Variants in NRXN1 observed in about 807,000 individuals in gnomAD.
NRXN1 encodes the protein neurexin 1.
NRXN1 carries 39 observed loss-of-function variants against 150.9 expected under a neutral mutation model. The observed-to-expected ratio is 0.26, with a 90% CI of 0.20 to 0.34. The LOEUF (loss-of-function observed/expected upper bound fraction) is 0.34, where lower values mean the gene tolerates loss of function less well. Ranked by LOEUF, NRXN1 falls within the 10% of genes least tolerant of loss-of-function variation. The pLI, the probability that NRXN1 is intolerant of heterozygous loss-of-function variation, is 1.00. For missense variants in NRXN1, 1,815 were observed against 1,949.9 expected, an observed-to-expected ratio of 0.93 and a Z score of 1.30; for synonymous variants, 924 against 757.0, an observed-to-expected ratio of 1.22 and a Z score of -3.62.
chr2:50,482,292 A>C (rs1318435755), intron 15 of NRXN1, among the ~76,000 whole-genome samples: 1 of 152,164 alleles, frequency 6.6e-6, no homozygotes, highest in Non-Finnish European at 1.5e-5. Context: ...CTATGCCAGT[A>C]ACAGTGTGGC....
At chr2:50,867,265 A>G (rs939741977) in intron 5 of NRXN1, among the ~76,000 whole-genome samples, 1 of 151,912 alleles carries the variant, frequency 6.6e-6, no homozygotes, top group African/African-American at 2.4e-5. Context: ...CTAGATGCTC[A>G]TGGCCCCTGA....
intron 17 of NRXN1, among the ~76,000 whole-genome samples, chr2:50,418,619 A>G (rs1273710507): frequency 6.6e-6 from 1 of 152,064 alleles, no homozygotes; most frequent in Non-Finnish European, 1.5e-5. Context: ...TTTTCATTAA[A>G]AGCAAATTTT....
intron 17 of NRXN1, among the ~76,000 whole-genome samples, chr2:50,301,512 A>T (rs561898578): frequency 6.6e-6 from 1 of 152,150 alleles, no homozygotes; most frequent in Non-Finnish European, 1.5e-5. Flanking sequence ...AAATTGCATA[A>T]CTGTGTTTAG....
At chr2:51,010,242 A>T (rs149787563) in intron 2 of NRXN1, among the ~76,000 whole-genome samples, 1 of 152,042 alleles carries the variant, frequency 6.6e-6, no homozygotes, top group East Asian at 2.0e-4. Flanking sequence ...ATCCTTCAAC[A>T]ATTTAAATAT....
chr2:50,689,349 G>A (rs1002326597), intron 5 of NRXN1, among the ~76,000 whole-genome samples: 1 of 151,988 alleles, frequency 6.6e-6, no homozygotes, highest in Non-Finnish European at 1.5e-5. Context: ...AACAAAACCA[G>A]TTTTATAATT....
chr2:50,533,116 TTAAG>T (rs1420651232), intron 10 of NRXN1, among the ~76,000 whole-genome samples: 1 of 152,182 alleles, frequency 6.6e-6, no homozygotes, highest in Non-Finnish European at 1.5e-5. Context: ...CATGATGGGA[TTAAG>T]TGAGAACCAG....
chr2:50,865,957 AAAC>A (rs1251607485), intron 5 of NRXN1, among the ~76,000 whole-genome samples: 3 of 151,700 alleles, frequency 2.0e-5, no homozygotes, highest in Non-Finnish European at 2.9e-5. Context: ...AAAAGAAAAC[AAAC>A]AACAAGGACA....
chr2:50,669,124 C>G (rs1688474509), intron 5 of NRXN1, among the ~76,000 whole-genome samples: 1 of 151,768 alleles, frequency 6.6e-6, no homozygotes, highest in Non-Finnish European at 1.5e-5. Context: ...AAAGAGTTTA[C>G]TCAAAGAAAT....
At chr2:50,036,958 G>T (rs927856398) in intron 21 of NRXN1, among the ~76,000 whole-genome samples, 9 of 152,128 alleles carry the variant, frequency 5.9e-5, no homozygotes, top group African/African-American at 1.9e-4. Context: ...CTGAAGCCCA[G>T]TCCAAATGGC....
intron 21 of NRXN1, among the ~76,000 whole-genome samples, chr2:50,007,554 C>T (rs1368385413): frequency 6.6e-6 from 1 of 152,128 alleles, no homozygotes; most frequent in East Asian, 1.9e-4. Context: ...CTGCAAAGAA[C>T]ATGAACTCAT....
chr2:50,013,734 C>A (rs889123613), intron 21 of NRXN1, among the ~76,000 whole-genome samples: 2 of 152,106 alleles, frequency 1.3e-5, no homozygotes, highest in Non-Finnish European at 1.5e-5. Context: ...TACCAAGTGG[C>A]AATAACAAAA....
At chr2:50,488,142 A>C (rs1454234633) in intron 15 of NRXN1, among the ~76,000 whole-genome samples, 1 of 152,174 alleles carries the variant, frequency 6.6e-6, no homozygotes, top group Admixed American at 6.5e-5. Flanking sequence ...GAATTCTTGC[A>C]TAGCAGGTTA....
intron 2 of NRXN1, among the ~76,000 whole-genome samples, chr2:50,981,179 C>G (rs7571079): frequency 0.65 from 98,528 of 151,812 alleles, 32,642 homozygotes; most frequent in African/African-American, 0.77. Flanking sequence ...ATAACTGTCT[C>G]GGCGTAGTGG....
chr2:50,696,484 G>A (rs1367230102), intron 5 of NRXN1, among the ~76,000 whole-genome samples: 1 of 152,176 alleles, frequency 6.6e-6, no homozygotes. Context: ...GTTTGCTAAA[G>A]AAGGTCGTGA....
chr2:50,114,722 TA>T (rs1204867661), intron 18 of NRXN1, among the ~76,000 whole-genome samples: 1 of 152,068 alleles, frequency 6.6e-6, no homozygotes, highest in Non-Finnish European at 1.5e-5. Flanking sequence ...GGGGAAGTCT[TA>T]AATGCATATT....
rs969243079 is a variant in NRXN1, at chr2:50,140,243, T to A, written c.3547-48749A>T. Among the ~76,000 whole-genome samples, 6 of 152,196 alleles carry A rather than the reference T, an allele frequency of 3.9e-5. No individual in the cohort carries two copies. The East Asian group carries it at 7.7e-4, about 20-fold the overall frequency. On this transcript the variant is annotated intron_variant, in intron 18 of 22. Transcript: ENST00000401669. ...AGTGAAGGCAGACATACACCTGACTTCAGGGACCAATACAATAGAGAGTAT... is the reference window on the plus strand; with the variant it reads ...AGTGAAGGCAGACATACACCTGACTACAGGGACCAATACAATAGAGAGTAT...
At chr2:51,012,619 T>G (rs1668061848) in intron 2 of NRXN1, among the ~76,000 whole-genome samples, 1 of 152,040 alleles carries the variant, frequency 6.6e-6, no homozygotes, top group South Asian at 2.1e-4. Flanking sequence ...AAACGTTTAG[T>G]CCTCAAGGGC....
chr2:50,615,242 T>C (rs1280785604), intron 8 of NRXN1: 2 of 152,176 alleles, frequency 1.3e-5, no homozygotes, highest in African/African-American at 2.4e-5. Flanking sequence ...AGGCTTAATC[T>C]GAGCAATTTT....
intron 5 of NRXN1, among the ~76,000 whole-genome samples, chr2:50,861,613 G>A (rs1676145244): frequency 6.6e-6 from 1 of 152,124 alleles, no homozygotes; most frequent in South Asian, 2.1e-4. Context: ...CCATGGTCCT[G>A]GTTCCCACAG....
Sources: gnomAD v4.1 joint callset for allele counts (sites outside exome capture counted in the v4.1 genomes callset) on GRCh38, gnomAD v4.1.1 for gene constraint, MANE v1.5 for transcripts, NCBI Gene and HGNC (gene_info 2026-07-23, HGNC 2026-07-21) for gene names.